The following COL6A6 variants were observed in gnomAD, a reference collection of about 807,000 sequenced individuals.
COL6A6 encodes the protein collagen type VI alpha 6 chain.
Under a neutral mutation model 208.6 loss-of-function variants are expected in COL6A6, and 183 were observed. That is an observed-to-expected ratio of 0.88 (90% CI 0.78 to 0.99). The LOEUF (loss-of-function observed/expected upper bound fraction) is 0.99, where lower values mean the gene tolerates loss of function less well. COL6A6 is among the 50% of genes least tolerant of loss of function. The pLI is 0.00. For synonymous variants in COL6A6, 973 were observed against 1,011.8 expected (o/e 0.96, Z 0.73); for missense variants, 2,816 against 2,815.2 (o/e 1.00, Z -0.01).
chr3:130,635,764 A>T lies in COL6A6; in HGVS notation c.5091+3A>T, dbSNP rs1428937282. 3 of 1,609,126 alleles carry T rather than the reference A, an allele frequency of 1.9e-6. No individual in the cohort carries two copies. The East Asian group carries it at 6.7e-5, about 36-fold the overall frequency. ...TGAAGGGAGCTAGAGGCAAAATGGT[A>T]AGCTTCTTAGATTCCAATTGCTGAC... On this transcript the variant is annotated splice_donor_region_variant and intron_variant, in intron 28 of 36. Coordinates refer to ENST00000358511, the MANE Select transcript of COL6A6 (RefSeq NM_001102608.3).
chr3:130,653,025 G>C (rs1325393808), intron 33 of COL6A6, among the ~76,000 whole-genome samples: 1 of 152,210 alleles, frequency 6.6e-6, no homozygotes, highest in Non-Finnish European at 1.5e-5. Context: ...ATGATAGTAT[G>C]AAGTTGAGTG....
intron 1 of COL6A6, among the ~76,000 whole-genome samples, chr3:130,551,797 T>G (rs962886904): frequency 3.9e-5 from 6 of 152,158 alleles, no homozygotes; most frequent in African/African-American, 1.4e-4. Context: ...GGGTGTTTAG[T>G]GCTATAAACC....
Position 130,571,118 on chromosome 3 carries a change from A to G in COL6A6, c.2702A>G (p.Glu901Gly). 1 of 1,613,960 alleles carries G rather than the reference A, an allele frequency of 6.2e-7. No homozygotes were observed. The highest frequency in any genetic ancestry group is 8.5e-7 in the Non-Finnish European group (1 of 1,179,842). ...ALGFSDHMFTEARGSRLNKGV... is the reference protein window; with the variant it reads ...ALGFSDHMFTGARGSRLNKGV... ...GGCTTCTCAGACCACATGTTCACTG[A>G]AGCCCGGGGCAGCCGCCTGAACAAG... The change falls in exon 7 of 37, where the codon GAA (glutamate) becomes GGA (glycine). Residue 901 changes from glutamate to glycine, a missense_variant. Coordinates refer to ENST00000358511, the MANE Select transcript of COL6A6 (RefSeq NM_001102608.3).
intron 1 of COL6A6, among the ~76,000 whole-genome samples, chr3:130,548,713 C>T (rs578131964): frequency 2.6e-5 from 4 of 152,356 alleles, no homozygotes; most frequent in Admixed American, 1.3e-4. Context: ...GGGTTCTCTA[C>T]GCCTGGAGTT....
At chr3:130,552,703 C>T (rs2062672543) in intron 1 of COL6A6, among the ~76,000 whole-genome samples, 1 of 152,152 alleles carries the variant, frequency 6.6e-6, no homozygotes, top group Non-Finnish European at 1.5e-5. Context: ...TAACTTAACC[C>T]TGGTTATTAT....
rs781756871 is a variant in COL6A6 at position 130,649,281 on chromosome 3, G to A, written c.5452G>A (p.Ala1818Thr). The part of the protein sequence containing the change: ...HARHLVRFSD[A>T]YKKSQLLREI... The stretch of plus-strand genomic sequence containing the variant: ...CAGGCACCTTGTGCGCTTCTCAGAC[G>A]CCTACAAGAAGAGTCAACTTCTCAG... The change falls in exon 33 of 37, where the codon GCC becomes ACC. Residue 1818 changes from alanine (A) to threonine (T), a missense_variant. Ala to Thr is a moderately conservative substitution (Grantham distance 58). Transcript: ENST00000358511. 24 of 1,603,826 alleles carry A rather than the reference G, an allele frequency of 1.5e-5. No individual in the cohort carries two copies. The highest frequency in any genetic ancestry group is 4.5e-5 in the East Asian group (2 of 44,558).
Position 130,662,063 on chromosome 3 carries a change from T to A in COL6A6, c.6257T>A (p.Phe2086Tyr). The A allele has an allele frequency of 6.2e-7, 1 of 1,614,036 alleles. No individual in the cohort carries two copies. The highest frequency in any genetic ancestry group is 8.5e-7 in the Non-Finnish European group (1 of 1,179,896). ...TPNLRRNKVIFVISAGETSHL... is the reference protein window; with the variant it reads ...TPNLRRNKVIYVISAGETSHL... The stretch of plus-strand genomic sequence containing the variant: ...AATCTGAGAAGAAACAAAGTCATAT[T>A]TGTGATATCTGCTGGGGAAACCAGC... Residue 2086 changes from phenylalanine to tyrosine, a missense_variant, in exon 35 of 37, where the codon TTT (phenylalanine) becomes TAT (tyrosine). By Grantham distance (22) the Phe-to-Tyr change is conservative. Coordinates refer to ENST00000358511, the MANE Select transcript of COL6A6 (RefSeq NM_001102608.3).
chr3:130,642,733 T>C, intron 29 of COL6A6, 99 bp from the exon 30 acceptor site: 1 of 1,068,500 alleles, frequency 9.4e-7, no homozygotes, highest in Non-Finnish European at 1.4e-6. Context: ...AGAATAAAAC[T>C]TTTAAAAGTT....
At chr3:130,672,293 ATTCT>A (rs2066237485) in intron 36 of COL6A6, among the ~76,000 whole-genome samples, 2 of 152,240 alleles carry the variant, frequency 1.3e-5, no homozygotes, top group Non-Finnish European at 2.9e-5. Flanking sequence ...AGACGATTTC[ATTCT>A]TTGTCTTGAC....
At chr3:130,655,986 C>T (rs533389114) in intron 33 of COL6A6, among the ~76,000 whole-genome samples, 2 of 152,320 alleles carry the variant, frequency 1.3e-5, no homozygotes, top group East Asian at 3.9e-4. Flanking sequence ...TGTGGCTGGA[C>T]CAGGTGTACC....
At chr3:130,567,984 T>C (rs2063068815) in intron 5 of COL6A6, 63 bp from the exon 6 acceptor site, 11 of 1,312,900 alleles carry the variant, frequency 8.4e-6, no homozygotes, top group African/African-American at 1.5e-5. Context: ...TGGATTTTCC[T>C]GTTTACTCTG....
At chr3:130,593,740 T>A (rs550603127) in intron 17 of COL6A6, among the ~76,000 whole-genome samples, 1 of 152,120 alleles carries the variant, frequency 6.6e-6, no homozygotes, top group Admixed American at 6.5e-5. Flanking sequence ...GACACAGGAA[T>A]AGGGAGAGGT....
rs146156735 is a variant in COL6A6, at chr3:130,602,948, C to G, written c.4653+3138C>G. 3.3e-5 allele frequency among the ~76,000 whole-genome samples: 5 copies of G among 152,242 alleles called. No individual in the cohort carries two copies. The East Asian group carries it at 9.6e-4, about 29-fold the overall frequency. On this transcript the variant is annotated intron_variant, in intron 20 of 36. Transcript: ENST00000358511. ...TGAGAAAGTAGAAAAATCTAGTGTT[C>G]ACTGCAGAACTCTAAAATGAATGTT...
rs1040186977 is a variant in COL6A6 at position 130,563,180 on chromosome 3, A to T, written c.177A>T (p.Ile59=). ...CCAAAATGATCAGCAGTCTCCCCAT[A>T]GAGGCCGACAAATACCGTGTGGCCC... ...FITKMISSLP[I]EADKYRVALA... Residue 59 remains isoleucine, a synonymous_variant, in exon 3 of 37, where the codon ATA becomes ATT. Coordinates refer to ENST00000358511, the MANE Select transcript of COL6A6 (RefSeq NM_001102608.3). The T allele has an allele frequency of 6.2e-7, 1 of 1,614,050 alleles. No homozygotes were observed. The highest frequency in any genetic ancestry group is 1.7e-5 in the Admixed American group (1 of 60,036).
upstream of COL6A6, among the ~76,000 whole-genome samples, chr3:130,516,757 A>G (rs57877068): frequency 0.032 from 4,836 of 152,192 alleles, 111 homozygotes; most frequent in South Asian, 0.096. Context: ...CTACAACCCA[A>G]AGACTCTCTC....
chr3:130,571,657 G>GTTGTT (rs540206506), intron 7 of COL6A6, among the ~76,000 whole-genome samples: 5 of 151,898 alleles, frequency 3.3e-5, no homozygotes, highest in Non-Finnish European at 5.9e-5. Context: ...AAATTCAAAA[G>GTTGTT]TTGTTTTGTT....
At chr3:130,637,867 G>T (rs1030483670) in intron 28 of COL6A6, among the ~76,000 whole-genome samples, 2 of 151,910 alleles carry the variant, frequency 1.3e-5, no homozygotes, top group Admixed American at 6.6e-5. Context: ...TTAAAGCAGG[G>T]TTTCTCCATA....
chr3:130,607,758 A>G (rs1194188298), intron 21 of COL6A6, among the ~76,000 whole-genome samples: 5 of 152,246 alleles, frequency 3.3e-5, no homozygotes, highest in Non-Finnish European at 7.3e-5. Context: ...TAGCTAAACT[A>G]TGTGTAATGT....
intron 36 of COL6A6, among the ~76,000 whole-genome samples, chr3:130,667,508 G>C (rs1178826642): frequency 2.0e-5 from 3 of 152,112 alleles, no homozygotes; most frequent in South Asian, 4.1e-4. Context: ...CAAAGTGCTA[G>C]GATTACAGGC....
Sources: gnomAD v4.1 joint callset for allele counts (sites outside exome capture counted in the v4.1 genomes callset) on GRCh38, gnomAD v4.1.1 for gene constraint, MANE v1.5 for transcripts, NCBI Gene and HGNC (gene_info 2026-07-23, HGNC 2026-07-21) for gene names.